EPB41L2: variants seen among roughly 807,000 people sequenced by gnomAD.
EPB41L2 encodes the protein band 4.1-like protein 2.
Under a neutral mutation model 113.0 loss-of-function variants are expected in EPB41L2, and 43 were observed. The observed-to-expected ratio is 0.38, with a 90% CI of 0.30 to 0.49. EPB41L2 has a LOEUF of 0.49. Among genes scored for constraint, EPB41L2 ranks in the 20% least tolerant of loss-of-function variants. The probability of loss-of-function intolerance (pLI) is 0.95; values close to 1 mark genes in which losing one functional copy is unlikely to be tolerated. For missense variants in EPB41L2, 1,147 were observed against 1,223.4 expected, an observed-to-expected ratio of 0.94 and a Z score of 0.93; for synonymous variants, 442 against 436.7, an observed-to-expected ratio of 1.01 and a Z score of -0.15.
intron 1 of EPB41L2, among the ~76,000 whole-genome samples, chr6:131,027,473 T>C (rs1301185015): frequency 6.6e-6 from 1 of 152,206 alleles, no homozygotes; most frequent in African/African-American, 2.4e-5. Context: ...ACACAACAGA[T>C]TGGGTCTCAG....
chr6:130,923,667 C>CA (rs1469167886), intron 4 of EPB41L2, among the ~76,000 whole-genome samples: 1 of 152,160 alleles, frequency 6.6e-6, no homozygotes, highest in Non-Finnish European at 1.5e-5. Context: ...GAGTAGTAAT[C>CA]AAAATTCACT....
At chr6:130,967,867 A>G (rs1381577531) in intron 1 of EPB41L2, among the ~76,000 whole-genome samples, 1 of 152,210 alleles carries the variant, frequency 6.6e-6, no homozygotes, top group Non-Finnish European at 1.5e-5. Context: ...TTTAGGGAAC[A>G]TTTATTTGGG....
chr6:131,029,660 T>C (rs920202649), intron 1 of EPB41L2, among the ~76,000 whole-genome samples: 2 of 152,242 alleles, frequency 1.3e-5, no homozygotes, highest in Admixed American at 1.3e-4. Flanking sequence ...GTGATTTACA[T>C]GTCAAAGGCT....
rs775785384 is a variant in EPB41L2 at position 130,869,919 on chromosome 6, C to G, written c.2251G>C (p.Glu751Gln). Residue 751 changes from glutamate to glutamine, a missense_variant, in exon 15 of 20, where the codon GAA becomes CAA. By Grantham distance (29) the Glu-to-Gln change is conservative (BLOSUM62 2). Transcript: ENST00000337057. ...SSSSSSESEE[E>Q]DVGEYRPHHR... ...TGGGGACGGTACTCTCCCACGTCTT[C>G]CTCCTCACTCTCACTGCTGCTGCTG... The G allele has an allele frequency of 6.2e-7, 1 of 1,612,822 alleles. No individual in the cohort carries two copies. Among genetic ancestry groups the G allele is most frequent in the East Asian group, 2.2e-5 (1 of 44,866 alleles).
At chr6:130,915,598 C>T (rs921134883) in intron 4 of EPB41L2, among the ~76,000 whole-genome samples, 5 of 152,246 alleles carry the variant, frequency 3.3e-5, no homozygotes, top group South Asian at 2.1e-4. Flanking sequence ...AGATTTGATA[C>T]TGATGATTAA....
At chr6:130,981,717 C>T (rs1039180340) in intron 1 of EPB41L2, among the ~76,000 whole-genome samples, 11 of 152,090 alleles carry the variant, frequency 7.2e-5, no homozygotes, top group African/African-American at 2.7e-4. Flanking sequence ...CTATTTTTCC[C>T]TACAAACTGT....
intron 19 of EPB41L2, among the ~76,000 whole-genome samples, chr6:130,849,733 T>C (rs1041723819): frequency 6.6e-6 from 1 of 152,132 alleles, no homozygotes; most frequent in African/African-American, 2.4e-5. Context: ...TTCACTAGCA[T>C]TGAAAAAACA....
At chr6:131,056,382 A>AGATC (rs1418127150) in intron 1 of EPB41L2, among the ~76,000 whole-genome samples, 13 of 152,248 alleles carry the variant, frequency 8.5e-5, no homozygotes, top group African/African-American at 3.1e-4. Context: ...TGTTGAAACT[A>AGATC]GATCCCAACT....
At chr6:131,030,887 A>G (rs949774813) in intron 1 of EPB41L2, among the ~76,000 whole-genome samples, 3 of 151,576 alleles carry the variant, frequency 2.0e-5, no homozygotes, top group African/African-American at 4.9e-5. Context: ...GACCAGCCCG[A>G]GCAACATGGC....
At chr6:131,031,298 T>TC in intron 1 of EPB41L2, among the ~76,000 whole-genome samples, 1 of 149,176 alleles carries the variant, frequency 6.7e-6, no homozygotes, top group East Asian at 1.9e-4. Flanking sequence ...TATACAGAGA[T>TC]TTTTTTTTTA....
intron 1 of EPB41L2, among the ~76,000 whole-genome samples, chr6:130,969,383 A>G (rs1776195583): frequency 6.6e-6 from 1 of 152,230 alleles, no homozygotes; most frequent in Non-Finnish European, 1.5e-5. Context: ...TTTTGTCAGT[A>G]AGTCGCAATG....
chr6:131,054,388 T>TTGCTAGTCTC (rs1797213786), intron 1 of EPB41L2, among the ~76,000 whole-genome samples: 3 of 152,248 alleles, frequency 2.0e-5, no homozygotes, highest in Non-Finnish European at 4.4e-5. Context: ...CTGCTAGTCT[T>TTGCTAGTCTC]TGCTAGTCTC....
intron 19 of EPB41L2, among the ~76,000 whole-genome samples, chr6:130,853,374 G>A (rs1162546277): frequency 6.6e-6 from 1 of 152,146 alleles, no homozygotes; most frequent in East Asian, 1.9e-4. Context: ...ACACCACCAA[G>A]CCTGGAACCC....
chr6:130,876,004 A>G (rs1427506159), intron 14 of EPB41L2, among the ~76,000 whole-genome samples: 3 of 151,826 alleles, frequency 2.0e-5, no homozygotes, highest in African/African-American at 7.3e-5. Context: ...AAAAAGAAGA[A>G]AGAAAAAAAA....
At chr6:130,976,114 A>G (rs763015209) in intron 1 of EPB41L2, among the ~76,000 whole-genome samples, 1 of 152,190 alleles carries the variant, frequency 6.6e-6, no homozygotes, top group Non-Finnish European at 1.5e-5. Flanking sequence ...ATCGTCATGC[A>G]AGATTACTTC....
chr6:130,973,460 A>G (rs993552279), intron 1 of EPB41L2, among the ~76,000 whole-genome samples: 2 of 152,166 alleles, frequency 1.3e-5, no homozygotes, highest in African/African-American at 4.8e-5. Flanking sequence ...GTTTTTTAAT[A>G]AATACTGCTA....
At chr6:130,855,892 G>T (rs1022359053) in intron 19 of EPB41L2, among the ~76,000 whole-genome samples, 4 of 151,922 alleles carry the variant, frequency 2.6e-5, no homozygotes, top group African/African-American at 4.8e-5. Flanking sequence ...GGGGGTGCAG[G>T]GGGATAGAGA....
chr6:130,958,777 G>A lies in EPB41L2; in HGVS notation c.-14-2278C>T, dbSNP rs186105914. ...AACTGGTAATAATGAAGTAAGAAAG[G>A]AAGGCAGAAGCCAAAACATAAAAGA... On this transcript the variant is annotated intron_variant, in intron 1 of 19. Coordinates refer to ENST00000337057, the MANE Select transcript of EPB41L2 (RefSeq NM_001431.4). Among the ~76,000 whole-genome samples, 6 of 152,334 alleles carry A rather than the reference G, an allele frequency of 3.9e-5. No individual in the cohort carries two copies. In the East Asian group the frequency reaches 1.2e-3, roughly 29 times the overall value.
At chr6:130,951,268 G>C (rs1481873191) in intron 3 of EPB41L2, among the ~76,000 whole-genome samples, 1 of 143,888 alleles carries the variant, frequency 6.9e-6, no homozygotes, top group Non-Finnish European at 1.5e-5. Flanking sequence ...AAAAAGGAGG[G>C]GGAGGGGGGG....
Sources: gnomAD v4.1 joint callset for allele counts (sites outside exome capture counted in the v4.1 genomes callset) on GRCh38, gnomAD v4.1.1 for gene constraint, MANE v1.5 for transcripts, NCBI Gene and HGNC (gene_info 2026-07-23, HGNC 2026-07-21) for gene names.